The following TBC1D5 variants were observed in gnomAD, a reference collection of about 807,000 sequenced individuals.
TBC1D5 encodes TBC1 domain family member 5.
TBC1D5 carries 75 observed loss-of-function variants against 100.3 expected under a neutral mutation model. That is an observed-to-expected ratio of 0.75 (90% CI 0.62 to 0.91). TBC1D5 has a LOEUF of 0.91. TBC1D5 is among the 40% of genes least tolerant of loss of function. The probability of loss-of-function intolerance (pLI) is 0.00; values close to 1 mark genes in which losing one functional copy is unlikely to be tolerated. For synonymous variants in TBC1D5, 323 were observed against 325.6 expected, an observed-to-expected ratio of 0.99 and a Z score of 0.09; for missense variants, 910 against 942.4, an observed-to-expected ratio of 0.97 and a Z score of 0.45.
exon 1 of TBC1D5, chr3:17,740,796 T>C (rs1049025596): frequency 6.6e-6 from 1 of 152,194 alleles, no homozygotes. Flanking sequence ...GAGACCAGGA[T>C]TTTTTTCGCC....
intron 8 of TBC1D5, among the ~76,000 whole-genome samples, chr3:17,395,423 T>C (rs1283508723): frequency 6.6e-6 from 1 of 151,966 alleles, no homozygotes; most frequent in African/African-American, 2.4e-5. Context: ...AGAAAAAAAT[T>C]AAAAAAATAA....
At chr3:17,711,940 CT>C (rs2074781271) in intron 1 of TBC1D5, among the ~76,000 whole-genome samples, 1 of 152,174 alleles carries the variant, frequency 6.6e-6, no homozygotes, top group African/African-American at 2.4e-5. Flanking sequence ...ACTGTCTTTA[CT>C]TTATTACAAA....
At chr3:17,284,966 GA>G (rs1257982958) in intron 15 of TBC1D5, among the ~76,000 whole-genome samples, 1 of 146,124 alleles carries the variant, frequency 6.8e-6, no homozygotes, top group African/African-American at 2.5e-5. Context: ...CAGAAACAAA[GA>G]AAAAACAGCT....
At chr3:17,649,193 G>A (rs2065297973) in intron 1 of TBC1D5, among the ~76,000 whole-genome samples, 1 of 152,232 alleles carries the variant, frequency 6.6e-6, no homozygotes, top group African/African-American at 2.4e-5. Flanking sequence ...ATGGATGGAG[G>A]TGGAGGCTAT....
chr3:17,727,523 C>A (rs1221391329), intron 1 of TBC1D5, among the ~76,000 whole-genome samples: 2 of 152,128 alleles, frequency 1.3e-5, no homozygotes, highest in East Asian at 1.9e-4. Context: ...AAGCAGAAAT[C>A]ACCAAAAAGG....
chr3:17,328,472 G>A (rs2086455137), intron 13 of TBC1D5, among the ~76,000 whole-genome samples: 1 of 151,996 alleles, frequency 6.6e-6, no homozygotes, highest in African/African-American at 2.4e-5. Flanking sequence ...CATCTAGCAG[G>A]CCACTGACAA....
intron 1 of TBC1D5, among the ~76,000 whole-genome samples, chr3:17,726,137 T>C (rs941100818): frequency 1.3e-5 from 2 of 152,236 alleles, no homozygotes; most frequent in Admixed American, 1.3e-4. Context: ...GTAAGTTGAT[T>C]CCATGTCTTT....
At chr3:17,650,867 T>C (rs2065481051) in intron 1 of TBC1D5, among the ~76,000 whole-genome samples, 1 of 152,214 alleles carries the variant, frequency 6.6e-6, no homozygotes, top group African/African-American at 2.4e-5. Flanking sequence ...CTTTTCAACT[T>C]CATTTATACA....
intron 13 of TBC1D5, among the ~76,000 whole-genome samples, chr3:17,355,569 T>C (rs1184888621): frequency 6.6e-6 from 1 of 152,186 alleles, no homozygotes; most frequent in African/African-American, 2.4e-5. Flanking sequence ...GTTTTGGTTT[T>C]GCTGTATGAC....
At chr3:17,532,345 G>T (rs1276840763) in intron 2 of TBC1D5, among the ~76,000 whole-genome samples, 1 of 152,214 alleles carries the variant, frequency 6.6e-6, no homozygotes, top group African/African-American at 2.4e-5. Context: ...AACAGGTGCT[G>T]GAGAGGATGT....
At chr3:17,485,228 T>C (rs2095547799) in intron 3 of TBC1D5, among the ~76,000 whole-genome samples, 1 of 152,054 alleles carries the variant, frequency 6.6e-6, no homozygotes, top group Non-Finnish European at 1.5e-5. Context: ...CCTGAAAACA[T>C]TATTACTTTC....
chr3:17,195,244 T>C (rs1316237906), intron 18 of TBC1D5, among the ~76,000 whole-genome samples: 2 of 152,230 alleles, frequency 1.3e-5, no homozygotes, highest in African/African-American at 4.8e-5. Context: ...TGTGTTTTTA[T>C]AATTAGGCAA....
chr3:17,404,948 A>G, exon 6 of TBC1D5: 1 of 1,593,780 alleles, frequency 6.3e-7, no homozygotes, highest in South Asian at 1.1e-5. Context: ...TTGAGGAAGA[A>G]CACAAAGAAA....
chr3:17,227,241 A>G (rs1340374898), intron 17 of TBC1D5, among the ~76,000 whole-genome samples: 1 of 152,174 alleles, frequency 6.6e-6, no homozygotes, highest in Non-Finnish European at 1.5e-5. Context: ...GTGGTGGGTC[A>G]GGGAGGGTCC....
At chr3:17,248,685 T>C (rs2076943706) in intron 16 of TBC1D5, among the ~76,000 whole-genome samples, 1 of 152,156 alleles carries the variant, frequency 6.6e-6, no homozygotes, top group African/African-American at 2.4e-5. Context: ...AGTAGTATTT[T>C]GAAAGGAATA....
intron 14 of TBC1D5, among the ~76,000 whole-genome samples, chr3:17,293,187 T>C (rs1189201143): frequency 6.6e-6 from 1 of 152,230 alleles, no homozygotes; most frequent in Non-Finnish European, 1.5e-5. Flanking sequence ...TTTCTGTGTC[T>C]GTTCAGACTC....
At position 17,721,794 on chromosome 3, in the gene TBC1D5, A is replaced by C. The variant is rs1267934209; in HGVS notation, c.-101+17549T>G. ...TCGGGAGTTCAAGACCAGCCTGGGC[A>C]ACATGGCAAGACCCCATCTCTACTA... On this transcript the variant is annotated intron_variant, in intron 1 of 21. Coordinates refer to ENST00000253692, the Ensembl canonical transcript of TBC1D5. Among the ~76,000 whole-genome samples the C allele has an allele frequency of 4.6e-5, 7 of 152,096 alleles. No homozygotes were observed. In the East Asian group the frequency reaches 1.3e-3, roughly 29 times the overall value.
At chr3:17,578,494 ATTCCCTTTAATCGG>A (rs938832492) in intron 2 of TBC1D5, among the ~76,000 whole-genome samples, 5 of 152,064 alleles carry the variant, frequency 3.3e-5, no homozygotes, top group African/African-American at 4.8e-5. Context: ...CTGGTACACA[ATTCCCTTTAATCGG>A]TGACTTCAAT....
intron 3 of TBC1D5, among the ~76,000 whole-genome samples, chr3:17,438,399 G>A (rs904849493): frequency 1.3e-5 from 2 of 152,106 alleles, no homozygotes; most frequent in African/African-American, 2.4e-5. Flanking sequence ...ATATCAATGG[G>A]AAGGACCAGG....
Sources: allele counts gnomAD v4.1 joint callset (sites outside exome capture counted in the v4.1 genomes callset), GRCh38; gene constraint gnomAD v4.1.1; transcripts MANE v1.5; gene names NCBI Gene and HGNC (gene_info 2026-07-23, HGNC 2026-07-21).